ZNF492: variants seen among roughly 807,000 people sequenced by gnomAD.
ZNF492 encodes zinc finger protein 492.
ZNF492 carries 3 observed loss-of-function variants against 6.4 expected under a neutral mutation model. That is an observed-to-expected ratio of 0.47 (90% CI 0.21 to 1.22). The LOEUF is 1.22. Ranked by LOEUF, ZNF492 falls within the 50% of genes most tolerant of loss-of-function variation. The pLI is 0.22. For synonymous variants in ZNF492, 112 were observed against 205.3 expected (o/e 0.55, Z 3.89); for missense variants, 356 against 612.5 (o/e 0.58, Z 4.42).
At chr19:22,658,694 A>G (rs1340798361) in intron 3 of ZNF492, among the ~76,000 whole-genome samples, 6 of 141,122 alleles carry the variant, frequency 4.3e-5, no homozygotes, top group Non-Finnish European at 7.5e-5. Flanking sequence ...ATATATTGGC[A>G]TTTTTGTATT....
chr19:22,643,685 C>T (rs1254480529), intron 1 of ZNF492, among the ~76,000 whole-genome samples: 3 of 152,152 alleles, frequency 2.0e-5, no homozygotes, highest in Non-Finnish European at 4.4e-5. Flanking sequence ...ATTACAATCA[C>T]ATGGCCAGTT....
chr19:22,636,514 C>CTGTGTGTGTGTGTGTGTGTGTGTG (rs141601969), intron 1 of ZNF492, among the ~76,000 whole-genome samples: 1 of 147,208 alleles, frequency 6.8e-6, no homozygotes, highest in Non-Finnish European at 1.5e-5. Flanking sequence ...ACATGATCTT[C>CTGTGTGTGTGTGTGTGTGTGTGTG]TGTGTGTGTG....
rs767830267 is a variant in ZNF492, at chr19:22,666,247, G to A, written c.*982G>A. 4.8e-5 allele frequency: 7 copies of A among 146,296 alleles called. No homozygotes were observed. Among genetic ancestry groups the A allele is most frequent in the Non-Finnish European group, 1.0e-4 (7 of 67,384 alleles). 9.1% of individuals were successfully genotyped at this position (146,296 alleles called of 1,614,324 possible). On this transcript the variant is annotated 3_prime_UTR_variant, in exon 4 of 4. Transcript: ENST00000456783. ...TATCGCCCCCCCAGGCTGGAGTACAGTGGCACGATCTCAGCTCACTGCAAC... is the reference window on the plus strand; with the variant it reads ...TATCGCCCCCCCAGGCTGGAGTACAATGGCACGATCTCAGCTCACTGCAAC...
At chr19:22,659,258 T>A (rs976315756) in intron 3 of ZNF492, among the ~76,000 whole-genome samples, 1 of 150,286 alleles carries the variant, frequency 6.7e-6, no homozygotes, top group Non-Finnish European at 1.5e-5. Flanking sequence ...ATTTCAGTTT[T>A]AAAAAAACTG....
intron 3 of ZNF492, among the ~76,000 whole-genome samples, chr19:22,661,888 A>G (rs75113102): frequency 0.028 from 4,272 of 151,954 alleles, 66 homozygotes; most frequent in East Asian, 0.075. Flanking sequence ...GAACCACCAA[A>G]CTCCTTCTTA....
At chr19:22,648,574 CGTCTAA>C (rs1219369762) in intron 1 of ZNF492, among the ~76,000 whole-genome samples, 1 of 152,132 alleles carries the variant, frequency 6.6e-6, no homozygotes, top group Non-Finnish European at 1.5e-5. Flanking sequence ...ATTGTGTGGG[CGTCTAA>C]GTCTCTTTGT....
intron 1 of ZNF492, among the ~76,000 whole-genome samples, chr19:22,649,170 TTC>T (rs1971914520): frequency 6.6e-6 from 1 of 152,214 alleles, no homozygotes; most frequent in Non-Finnish European, 1.5e-5. Context: ...AGGATTTTAT[TTC>T]TTTTTCTACT....
chr19:22,665,111 A>C lies in ZNF492; in HGVS notation c.1442A>C (p.Glu481Ala). 1 of 1,609,372 alleles carries C rather than the reference A, an allele frequency of 6.2e-7. No homozygotes were observed. The highest frequency in any genetic ancestry group is 8.5e-7 in the Non-Finnish European group (1 of 1,179,872). Residue 481 changes from glutamate to alanine, a missense_variant, in exon 4 of 4, where the codon GAA (glutamate) becomes GCA (alanine). By Grantham distance (107) the Glu-to-Ala change is moderately radical. Coordinates refer to ENST00000456783, the MANE Select transcript of ZNF492 (RefSeq NM_020855.3). ...GGAGAGAAACCCTACAAGTGTGAAG[A>C]ATGTGGCAAAGCCTTTAACAACTCC... Reference protein sequence around the residue: ...HTGEKPYKCEECGKAFNNSSI... With the variant: ...HTGEKPYKCEACGKAFNNSSI...
chr19:22,659,365 G>A (rs3906658), intron 3 of ZNF492, among the ~76,000 whole-genome samples: 23,348 of 149,864 alleles, frequency 0.16, 2,071 homozygotes, highest in African/African-American at 0.24. Context: ...GGTGTTGAGG[G>A]GTGTTTTCTA....
chr19:22,659,391 TA>T (rs2145259573), intron 3 of ZNF492, among the ~76,000 whole-genome samples: 1 of 151,874 alleles, frequency 6.6e-6, no homozygotes, highest in South Asian at 2.1e-4. Flanking sequence ...CTGTTAGAAA[TA>T]ATTGTCTTAC....
intron 1 of ZNF492, among the ~76,000 whole-genome samples, chr19:22,650,730 G>A (rs1345249535): frequency 6.6e-6 from 1 of 152,210 alleles, no homozygotes; most frequent in East Asian, 1.9e-4. Context: ...TTAGGCTGTG[G>A]GGGACACCTC....
At chr19:22,652,000 A>G (rs1270132651) in intron 1 of ZNF492, among the ~76,000 whole-genome samples, 1 of 152,130 alleles carries the variant, frequency 6.6e-6, no homozygotes, top group African/African-American at 2.4e-5. Flanking sequence ...ACTATAATTT[A>G]CTTTTGGCTG....
chr19:22,655,593 T>C (rs1385900913), intron 3 of ZNF492, among the ~76,000 whole-genome samples: 3 of 151,134 alleles, frequency 2.0e-5, no homozygotes, highest in African/African-American at 7.3e-5. Flanking sequence ...TTAAATGTAC[T>C]GTTTATGGTT....
intron 1 of ZNF492, among the ~76,000 whole-genome samples, chr19:22,647,482 G>A (rs565458013): frequency 6.7e-6 from 1 of 149,282 alleles, no homozygotes; most frequent in Admixed American, 6.7e-5. Flanking sequence ...GGCTGGTCTC[G>A]AACTCCTAAC....
intron 1 of ZNF492, among the ~76,000 whole-genome samples, chr19:22,636,028 A>G (rs554588070): frequency 6.6e-6 from 1 of 151,784 alleles, no homozygotes; most frequent in Non-Finnish European, 1.5e-5. Flanking sequence ...CCATTCTCCA[A>G]CCTCAACTAG....
rs1347100202 is a variant in ZNF492, at chr19:22,665,708, T to C, written c.*443T>C. On this transcript the variant is annotated 3_prime_UTR_variant, in exon 4 of 4. Coordinates refer to ENST00000456783, the MANE Select transcript of ZNF492 (RefSeq NM_020855.3). ...AAACTTTGTTCAACATCAGAGAATT[T>C]ATATCGAAGAAAAACCCTGTAAATG... is the stretch of plus-strand genomic sequence containing the variant. 2 of 156,698 alleles carry C rather than the reference T, an allele frequency of 1.3e-5. No individual in the cohort carries two copies. The highest frequency in any genetic ancestry group is 4.8e-5 in the African/African-American group (2 of 41,516). 9.7% of individuals were successfully genotyped at this position (156,698 alleles called of 1,614,324 possible).
intron 1 of ZNF492, among the ~76,000 whole-genome samples, chr19:22,650,835 G>A (rs1282586567): frequency 6.6e-6 from 1 of 152,120 alleles, no homozygotes; most frequent in South Asian, 2.1e-4. Context: ...TGCCCAGGGA[G>A]CCTAGTGTGT....
intron 3 of ZNF492, among the ~76,000 whole-genome samples, chr19:22,662,501 A>G (rs903635327): frequency 6.6e-6 from 1 of 152,272 alleles, no homozygotes; most frequent in Non-Finnish European, 1.5e-5. Context: ...TCCTTGAGGA[A>G]TCATAACACT....
chr19:22,662,992 G>C (rs1410291958), intron 3 of ZNF492, among the ~76,000 whole-genome samples: 1 of 152,118 alleles, frequency 6.6e-6, no homozygotes, highest in Non-Finnish European at 1.5e-5. Context: ...TGGTGTTTTA[G>C]TCATGAAGTC....
Sources: gnomAD v4.1 joint callset for allele counts (sites outside exome capture counted in the v4.1 genomes callset) on GRCh38, gnomAD v4.1.1 for gene constraint, MANE v1.5 for transcripts, NCBI Gene and HGNC (gene_info 2026-07-23, HGNC 2026-07-21) for gene names.